BTBD9: variants seen among roughly 807,000 people sequenced by gnomAD.
BTBD9 encodes BTB/POZ domain-containing protein 9.
BTBD9 carries 49 observed loss-of-function variants against 64.3 expected under a neutral mutation model. That is an observed-to-expected ratio of 0.76 (90% CI 0.61 to 0.97). The LOEUF (loss-of-function observed/expected upper bound fraction) is 0.97. BTBD9 is among the 50% of genes least tolerant of loss of function. The probability of loss-of-function intolerance (pLI) is 0.00; values close to 1 mark genes in which losing one functional copy is unlikely to be tolerated. For synonymous variants in BTBD9, 260 were observed against 274.7 expected, an observed-to-expected ratio of 0.95 and a Z score of 0.53; for missense variants, 598 against 762.1, an observed-to-expected ratio of 0.78 and a Z score of 2.53.
chr6:38,425,048 C>T (rs1768083923), intron 6 of BTBD9, among the ~76,000 whole-genome samples: 1 of 150,484 alleles, frequency 6.6e-6, no homozygotes, highest in African/African-American at 2.5e-5. Context: ...ACAGGCTGGT[C>T]GTGGTGATCC....
At chr6:38,570,380 A>G (rs1775709836) in intron 6 of BTBD9, among the ~76,000 whole-genome samples, 1 of 152,200 alleles carries the variant, frequency 6.6e-6, no homozygotes, top group African/African-American at 2.4e-5. Flanking sequence ...TTACAAATTT[A>G]GCTTTTCTAA....
Position 38,592,653 on chromosome 6 carries a change from G to A in BTBD9, c.737C>T (p.Ser246Phe), listed in dbSNP as rs1194339837. The A allele has an allele frequency of 6.2e-7, 1 of 1,614,092 alleles. No homozygotes were observed. The highest frequency in any genetic ancestry group is 1.7e-5 in the Admixed American group (1 of 60,012). ...AATGGCATCCAGGATGGCATCAGGA[G>A]ACAGCAGTCCTGAAGGCCTCACAAC... Reference protein sequence around the residue: ...LNVVRPSGLLSPDAILDAIKV... With the variant: ...LNVVRPSGLLFPDAILDAIKV... Residue 246 changes from serine to phenylalanine, a missense_variant, in exon 4 of 11, where the codon TCT becomes TTT. By Grantham distance (155) the Ser-to-Phe change is radical. Transcript: ENST00000481247.
At chr6:38,458,464 C>A (rs1181700915) in intron 6 of BTBD9, among the ~76,000 whole-genome samples, 3 of 152,184 alleles carry the variant, frequency 2.0e-5, no homozygotes, top group African/African-American at 7.2e-5. Flanking sequence ...AAATAGCCTT[C>A]CCTAAAAGGC....
chr6:38,231,225 C>T (rs6929505), intron 9 of BTBD9, among the ~76,000 whole-genome samples: 6,876 of 152,132 alleles, frequency 0.045, 235 homozygotes, highest in Admixed American at 0.11. Flanking sequence ...TTTTATGATG[C>T]CATCAAAGAA....
intron 6 of BTBD9, among the ~76,000 whole-genome samples, chr6:38,364,388 A>T (rs1433563642): frequency 6.6e-6 from 1 of 152,244 alleles, no homozygotes; most frequent in Non-Finnish European, 1.5e-5. Flanking sequence ...ATGCATCTGC[A>T]GTTTGTTATT....
rs1229518751 is a variant in BTBD9 at position 38,256,440 on chromosome 6, T to C, written c.1531A>G (p.Met511Val). 6.2e-6 allele frequency: 10 copies of C among 1,613,920 alleles called. No individual in the cohort carries two copies. The highest frequency in any genetic ancestry group is 1.7e-5 in the Admixed American group (1 of 60,004). Reference protein sequence around the residue: ...EVSTNQQQWTMVADRTKVSCK... With the variant: ...EVSTNQQQWTVVADRTKVSCK... ...GAGACTTTAGTTCTGTCAGCAACCA[T>C]GGTCCACTGTTGCTGGTTGGTAGAA... Residue 511 changes from methionine to valine, a missense_variant, in exon 9 of 11, where the codon ATG becomes GTG. Coordinates refer to ENST00000481247, the MANE Select transcript of BTBD9 (RefSeq NM_001099272.2).
At chr6:38,465,753 A>ATATATATG (rs1554158495) in intron 6 of BTBD9, among the ~76,000 whole-genome samples, 13 of 39,674 alleles carry the variant, frequency 3.3e-4, no homozygotes, top group African/African-American at 6.9e-4. Context: ...ATATATATAT[A>ATATATATG]TATGTATGTA....
chr6:38,171,776 C>G lies in BTBD9; in HGVS notation c.*3209G>C, dbSNP rs1205776775. 6.9e-6 allele frequency: 1 copy of G among 145,698 alleles called. No homozygotes were observed. The highest frequency in any genetic ancestry group is 1.5e-5 in the Non-Finnish European group (1 of 67,290). 9.0% of individuals were successfully genotyped at this position (145,698 alleles called of 1,614,324 possible). A position where few individuals can be genotyped will look rare whatever the true frequency, so the allele number is the denominator to read the frequency against. On this transcript the variant is annotated 3_prime_UTR_variant, in exon 11 of 11. Transcript: ENST00000481247. ...TCAGTCCACCCCAAATGACCCTCCC[C>G]AGAGCTGCCAGAAGGTGACTTTGAA...
At chr6:38,284,793 C>T (rs1277471871) in intron 8 of BTBD9, among the ~76,000 whole-genome samples, 1 of 152,014 alleles carries the variant, frequency 6.6e-6, no homozygotes, top group Non-Finnish European at 1.5e-5. Flanking sequence ...GAGAAGCATT[C>T]CCAAAGGAGT....
intron 9 of BTBD9, among the ~76,000 whole-genome samples, chr6:38,219,978 T>G (rs1445791044): frequency 6.6e-6 from 1 of 152,210 alleles, no homozygotes; most frequent in African/African-American, 2.4e-5. Context: ...GAGTCATGTG[T>G]TGATGTGGCT....
chr6:38,597,127 CACA>C (rs1335730952), intron 2 of BTBD9, among the ~76,000 whole-genome samples: 2 of 152,116 alleles, frequency 1.3e-5, no homozygotes, highest in Non-Finnish European at 2.9e-5. Flanking sequence ...CACACTTTAC[CACA>C]ACATGTCTGA....
At chr6:38,213,852 A>G (rs545776188) in intron 9 of BTBD9, among the ~76,000 whole-genome samples, 52 of 151,726 alleles carry the variant, frequency 3.4e-4, no homozygotes, top group Non-Finnish European at 7.2e-4. Context: ...GTGTGGTGGC[A>G]GGCGCCTGTA....
chr6:38,510,092 C>T (rs1474990032), intron 6 of BTBD9, among the ~76,000 whole-genome samples: 2 of 152,222 alleles, frequency 1.3e-5, no homozygotes. Context: ...ACGCCATGTT[C>T]TTTCATGATG....
chr6:38,496,424 C>T (rs577965261), intron 6 of BTBD9, among the ~76,000 whole-genome samples: 3 of 152,164 alleles, frequency 2.0e-5, no homozygotes, highest in Admixed American at 6.5e-5. Context: ...GAGAGGGCTG[C>T]TTGAGCCCAG....
chr6:38,276,073 A>C (rs1477550163), intron 8 of BTBD9, among the ~76,000 whole-genome samples: 1 of 152,220 alleles, frequency 6.6e-6, no homozygotes, highest in East Asian at 1.9e-4. Context: ...GGCACTATTC[A>C]CAATAGCAAA....
intron 7 of BTBD9, among the ~76,000 whole-genome samples, chr6:38,312,199 A>C (rs1464776355): frequency 1.3e-5 from 2 of 151,976 alleles, no homozygotes; most frequent in East Asian, 3.9e-4. Context: ...TTCCATTTCT[A>C]TGTCTTCTCT....
chr6:38,357,621 G>A (rs1764780031), intron 6 of BTBD9, among the ~76,000 whole-genome samples: 1 of 152,176 alleles, frequency 6.6e-6, no homozygotes, highest in Admixed American at 6.5e-5. Context: ...TTGAGCAGAG[G>A]TCTTTGCTGG....
At chr6:38,265,269 AG>A (rs1764932344) in intron 8 of BTBD9, among the ~76,000 whole-genome samples, 2 of 152,088 alleles carry the variant, frequency 1.3e-5, no homozygotes, top group Admixed American at 6.6e-5. Context: ...TCATTGAGAA[AG>A]GGGGATATTT....
intron 7 of BTBD9, among the ~76,000 whole-genome samples, chr6:38,318,703 G>A (rs1763119131): frequency 6.6e-6 from 1 of 152,210 alleles, no homozygotes; most frequent in South Asian, 2.1e-4. Flanking sequence ...TTGGGGCTGT[G>A]CTAGGTCAGA....
Sources: allele counts gnomAD v4.1 joint callset (sites outside exome capture counted in the v4.1 genomes callset), GRCh38; gene constraint gnomAD v4.1.1; transcripts MANE v1.5; gene names NCBI Gene and HGNC (gene_info 2026-07-23, HGNC 2026-07-21).